The following CAPS2 variants were observed in gnomAD, a reference collection of about 807,000 sequenced individuals.
CAPS2 encodes calcyphosine 2.
A neutral mutation model predicts 86.5 loss-of-function variants in CAPS2; 98 were observed. The observed-to-expected ratio is 1.13, with a 90% CI of 0.96 to 1.34. The LOEUF is 1.34. Among genes scored for constraint, CAPS2 ranks in the 40% most tolerant of loss-of-function variants. CAPS2 has a pLI of 0.00. For synonymous variants in CAPS2, 210 were observed against 225.1 expected, an observed-to-expected ratio of 0.93 and a Z score of 0.60; for missense variants, 729 against 686.8, an observed-to-expected ratio of 1.06 and a Z score of -0.69.
rs528267330 is a variant in CAPS2 at position 75,364,690 on chromosome 12, T to C, written c.-395+26148A>G. Reference sequence around the variant, plus strand: ...AATCTTGGTTTTAGTTACAGACTTATAGCAATTAGCTACACAGAACATAAG... The same window carrying C: ...AATCTTGGTTTTAGTTACAGACTTACAGCAATTAGCTACACAGAACATAAG... On this transcript the variant is annotated intron_variant, in intron 1 of 5. Coordinates refer to the CAPS2 transcript ENST00000551829. 5 of 152,354 alleles carry C rather than the reference T, an allele frequency of 3.3e-5. No homozygotes were observed. The South Asian group carries it at 6.2e-4, about 19-fold the overall frequency. The allele number at this position is 152,354 out of a possible 1,614,324, so 9.4% of individuals were successfully genotyped here. A position where few individuals can be genotyped will look rare whatever the true frequency, so the allele number is the denominator to read the frequency against.
intron 1 of CAPS2, chr12:75,369,815 T>C (rs770384420): frequency 5.4e-6 from 7 of 1,297,552 alleles, no homozygotes; most frequent in South Asian, 2.2e-5. Context: ...TACTGTAGGA[T>C]TGAGTAGGAA....
chr12:75,335,522 G>A (rs1487743862), intron 1 of CAPS2, among the ~76,000 whole-genome samples: 2 of 152,118 alleles, frequency 1.3e-5, no homozygotes, highest in Admixed American at 1.3e-4. Flanking sequence ...GCATCACTAT[G>A]AGCATAAACG....
chr12:75,276,203 C>G, downstream of CAPS2: 2 of 1,539,490 alleles, frequency 1.3e-6, no homozygotes, highest in Non-Finnish European at 1.8e-6. Flanking sequence ...GTTTTAAGCG[C>G]TTTCTTTTTT....
chr12:75,371,510 T>A (rs772776556), intron 1 of CAPS2: 6 of 327,640 alleles, frequency 1.8e-5, no homozygotes, highest in Middle Eastern at 3.9e-4. Context: ...ATATTAACCA[T>A]CACAAGTCCA....
At chr12:75,336,208 A>T (rs532831587) in intron 1 of CAPS2, among the ~76,000 whole-genome samples, 1 of 152,094 alleles carries the variant, frequency 6.6e-6, no homozygotes, top group African/African-American at 2.4e-5. Flanking sequence ...TTAAAAATAT[A>T]CAAAGAAGTA....
At chr12:75,305,048 T>C in intron 7 of CAPS2, 172 bp from the exon 8 acceptor site, 1 of 474,138 alleles carries the variant, frequency 2.1e-6, no homozygotes, top group Non-Finnish European at 3.4e-6. Context: ...AGAAAGTAAA[T>C]ATTCCTATCT....
chr12:75,357,506 T>G (rs1255613415), intron 1 of CAPS2, among the ~76,000 whole-genome samples: 1 of 151,980 alleles, frequency 6.6e-6, no homozygotes, highest in African/African-American at 2.4e-5. Context: ...CTCAAGCAAC[T>G]TTACCTGATG....
upstream of CAPS2, among the ~76,000 whole-genome samples, chr12:75,329,007 A>C (rs2041049695): frequency 6.6e-6 from 1 of 152,232 alleles, no homozygotes; most frequent in Admixed American, 6.5e-5. Context: ...TTCAAAGACA[A>C]AAACAGCTCA....
chr12:75,365,779 A>G (rs2043925146), intron 1 of CAPS2, among the ~76,000 whole-genome samples: 1 of 152,124 alleles, frequency 6.6e-6, no homozygotes, highest in Admixed American at 6.6e-5. Flanking sequence ...ATACCCTATG[A>G]ATTGTGGGTG....
chr12:75,359,637 T>C (rs2043429613), intron 1 of CAPS2, among the ~76,000 whole-genome samples: 1 of 151,984 alleles, frequency 6.6e-6, no homozygotes, highest in Admixed American at 6.6e-5. Context: ...GTTAGACAAA[T>C]AGATTAGTGA....
intron 7 of CAPS2, among the ~76,000 whole-genome samples, chr12:75,311,109 A>G (rs763625075): frequency 3.9e-5 from 6 of 152,200 alleles, no homozygotes; most frequent in Non-Finnish European, 8.8e-5. Context: ...GATTAAAATG[A>G]GAAATTCCTG....
At chr12:75,327,792 T>A (rs2040924714), upstream of CAPS2, among the ~76,000 whole-genome samples, 1 of 149,896 alleles carries the variant, frequency 6.7e-6, no homozygotes, top group African/African-American at 2.4e-5. Context: ...TCATTATTAT[T>A]ACAATATACT....
chr12:75,351,364 A>T (rs373436532), intron 1 of CAPS2, among the ~76,000 whole-genome samples: 15 of 152,328 alleles, frequency 9.8e-5, no homozygotes, highest in African/African-American at 3.6e-4. Context: ...TGAGAAGATC[A>T]ACCCCAAGAC....
chr12:75,389,649 G>A (rs762632546), intron 1 of CAPS2, among the ~76,000 whole-genome samples: 10 of 152,216 alleles, frequency 6.6e-5, no homozygotes, highest in Non-Finnish European at 1.2e-4. Flanking sequence ...TACTTCTAGC[G>A]TTTAGGATCT....
intron 1 of CAPS2, among the ~76,000 whole-genome samples, chr12:75,367,841 CA>C (rs1235058875): frequency 1.3e-5 from 2 of 152,096 alleles, no homozygotes; most frequent in African/African-American, 4.8e-5. Context: ...CAATGTTGAG[CA>C]TAAGCTGTAA....
chr12:75,303,693 C>T (rs1455203831), intron 8 of CAPS2, among the ~76,000 whole-genome samples: 2 of 152,144 alleles, frequency 1.3e-5, no homozygotes, highest in African/African-American at 4.8e-5. Flanking sequence ...ACATCCTAAT[C>T]CTTGGAACAT....
chr12:75,277,403 T>C (rs2033122221), exon 17 of CAPS2: 2 of 975,274 alleles, frequency 2.1e-6, no homozygotes, highest in Admixed American at 6.2e-5. Context: ...GTTTAAGATG[T>C]CTATAGTTGG....
At chr12:75,367,023 T>C in intron 1 of CAPS2, 1 of 701,312 alleles carries the variant, frequency 1.4e-6, no homozygotes, top group South Asian at 1.5e-5. Context: ...GGTAAGTCTC[T>C]CATTTATCTC....
At chr12:75,281,028 T>G (rs73357354) in intron 16 of CAPS2, among the ~76,000 whole-genome samples, 2,773 of 151,930 alleles carry the variant, frequency 0.018, 88 homozygotes, top group African/African-American at 0.062. Flanking sequence ...TCCTTAAAGA[T>G]GGACAATCAA....
Sources: allele counts gnomAD v4.1 joint callset (sites outside exome capture counted in the v4.1 genomes callset), GRCh38; gene constraint gnomAD v4.1.1; transcripts MANE v1.5; gene names NCBI Gene and HGNC (gene_info 2026-07-23, HGNC 2026-07-21).